The following AHCYL2 variants were observed in gnomAD, a reference collection of about 807,000 sequenced individuals.
The protein encoded by AHCYL2 is S-adenosylhomocysteine hydrolase-like protein 2.
Under a neutral mutation model 81.4 loss-of-function variants are expected in AHCYL2, and 28 were observed. The observed-to-expected ratio is 0.34, with a 90% CI of 0.25 to 0.47. The LOEUF (loss-of-function observed/expected upper bound fraction) is 0.47, where lower values mean the gene tolerates loss of function less well. AHCYL2 is among the 20% of genes least tolerant of loss of function. The probability of loss-of-function intolerance (pLI) is 1.00; values close to 1 mark genes in which losing one functional copy is unlikely to be tolerated. For synonymous variants in AHCYL2, 272 were observed against 290.2 expected (o/e 0.94, Z 0.64); for missense variants, 551 against 785.1 (o/e 0.70, Z 3.56).
At chr7:129,390,096 A>G (rs1795394987) in intron 4 of AHCYL2, among the ~76,000 whole-genome samples, 1 of 152,174 alleles carries the variant, frequency 6.6e-6, no homozygotes, top group Admixed American at 6.5e-5. Flanking sequence ...TTTCCTATAC[A>G]TATATACCTA....
At chr7:129,332,598 C>T (rs1215405984) in intron 1 of AHCYL2, among the ~76,000 whole-genome samples, 5 of 152,348 alleles carry the variant, frequency 3.3e-5, no homozygotes, top group African/African-American at 4.8e-5. Flanking sequence ...TCCCCAGACT[C>T]GTCTCTTTGA....
chr7:129,322,386 C>T (rs1041685673), intron 1 of AHCYL2, among the ~76,000 whole-genome samples: 3 of 152,054 alleles, frequency 2.0e-5, no homozygotes, highest in East Asian at 1.9e-4. Flanking sequence ...GTGATCTGCC[C>T]GCCTTGGTCT....
chr7:129,281,786 C>T (rs1046038665), intron 1 of AHCYL2, among the ~76,000 whole-genome samples: 2 of 152,172 alleles, frequency 1.3e-5, no homozygotes, highest in African/African-American at 2.4e-5. Flanking sequence ...GCGTGAGCCA[C>T]TGCACCTGGC....
At chr7:129,386,593 G>T (rs1237610727) in intron 2 of AHCYL2, among the ~76,000 whole-genome samples, 1 of 152,192 alleles carries the variant, frequency 6.6e-6, no homozygotes, top group Non-Finnish European at 1.5e-5. Flanking sequence ...TTAGAATAGA[G>T]AAGTGGTGTA....
At chr7:129,342,169 A>G (rs1470612280) in intron 1 of AHCYL2, among the ~76,000 whole-genome samples, 1 of 152,198 alleles carries the variant, frequency 6.6e-6, no homozygotes, top group East Asian at 1.9e-4. Flanking sequence ...TTGGGAAGGG[A>G]CACCAGTGTT....
chr7:129,291,100 T>A (rs1796834195), intron 1 of AHCYL2, among the ~76,000 whole-genome samples: 1 of 152,162 alleles, frequency 6.6e-6, no homozygotes, highest in African/African-American at 2.4e-5. Context: ...GTAAGATAAG[T>A]AACATTTAAA....
intron 8 of AHCYL2, 168 bp downstream of exon 8, chr7:129,405,381 C>T (rs563796201): frequency 7.5e-4 from 330 of 441,802 alleles, no homozygotes; most frequent in Middle Eastern, 1.2e-3. Flanking sequence ...TTTATTTTCT[C>T]CTTTGTATCT....
At chr7:129,276,480 G>A (rs1017008926) in intron 1 of AHCYL2, among the ~76,000 whole-genome samples, 1 of 151,358 alleles carries the variant, frequency 6.6e-6, no homozygotes, top group Admixed American at 6.6e-5. Flanking sequence ...GCTGGGCACA[G>A]TGGCTCATGC....
chr7:129,398,355 AT>A lies in AHCYL2; in HGVS notation c.823+1037del, dbSNP rs199977020. ...TTTTTTTAAATTTAATTTAATTTTTATTTTTTATTTTTATTTTTATTTTTAT... is the reference window on the plus strand; with the variant it reads ...TTTTTTTAAATTTAATTTAATTTTTATTTTTATTTTTATTTTTATTTTTAT... On this transcript the variant is annotated intron_variant, in intron 5 of 16. Coordinates refer to ENST00000325006, the MANE Select transcript of AHCYL2 (RefSeq NM_015328.4). Among the ~76,000 whole-genome samples, 15 of 146,012 alleles carry A rather than the reference AT, an allele frequency of 1.0e-4. 1 individual carries two copies. The South Asian group carries it at 3.2e-3, about 32-fold the overall frequency.
intron 1 of AHCYL2, among the ~76,000 whole-genome samples, chr7:129,344,812 A>G (rs1793303768): frequency 6.6e-6 from 1 of 152,146 alleles, no homozygotes; most frequent in South Asian, 2.1e-4. Context: ...GGGAGGAAAA[A>G]AAAGAGTTCT....
intron 1 of AHCYL2, among the ~76,000 whole-genome samples, chr7:129,288,333 G>A (rs988408721): frequency 4.0e-5 from 6 of 151,514 alleles, no homozygotes; most frequent in South Asian, 2.1e-4. Flanking sequence ...TGCAACTCCT[G>A]TAAATTTGTA....
intron 1 of AHCYL2, among the ~76,000 whole-genome samples, chr7:129,370,376 TTG>T (rs1365397248): frequency 6.9e-6 from 1 of 144,322 alleles, no homozygotes; most frequent in Non-Finnish European, 1.5e-5. Context: ...CTCTTTAGTG[TTG>T]TGTCTTGGTT....
chr7:129,241,441 A>G (rs939168891), intron 1 of AHCYL2, among the ~76,000 whole-genome samples: 2 of 151,922 alleles, frequency 1.3e-5, no homozygotes, highest in African/African-American at 4.8e-5. Flanking sequence ...AAATATAAAA[A>G]TTAGCCAGGT....
chr7:129,339,674 G>T (rs1793092705), intron 1 of AHCYL2, among the ~76,000 whole-genome samples: 1 of 150,604 alleles, frequency 6.6e-6, no homozygotes, highest in South Asian at 2.1e-4. Context: ...TAGGATTACA[G>T]GTGCATTCTG....
intron 1 of AHCYL2, among the ~76,000 whole-genome samples, chr7:129,253,755 G>A (rs1057482588): frequency 6.6e-6 from 1 of 152,120 alleles, no homozygotes; most frequent in Non-Finnish European, 1.5e-5. Context: ...GGGATTACAG[G>A]CATAAGCTGC....
At chr7:129,300,516 G>A (rs765404261) in intron 1 of AHCYL2, among the ~76,000 whole-genome samples, 1 of 152,088 alleles carries the variant, frequency 6.6e-6, no homozygotes, top group Non-Finnish European at 1.5e-5. Context: ...TTGCTTATAT[G>A]TACCACATTT....
intron 1 of AHCYL2, among the ~76,000 whole-genome samples, chr7:129,334,873 C>A (rs549620511): frequency 2.6e-5 from 4 of 152,258 alleles, no homozygotes; most frequent in South Asian, 4.1e-4. Flanking sequence ...GAAGAAGATA[C>A]AAAGAAATTC....
intron 1 of AHCYL2, among the ~76,000 whole-genome samples, chr7:129,233,399 A>G (rs890389675): frequency 6.6e-6 from 1 of 151,982 alleles, no homozygotes; most frequent in African/African-American, 2.4e-5. Flanking sequence ...CAGGTCTCCA[A>G]TTCTCGGGCT....
chr7:129,323,873 CTT>C (rs369389755), intron 1 of AHCYL2, among the ~76,000 whole-genome samples: 16 of 131,040 alleles, frequency 1.2e-4, no homozygotes, highest in Non-Finnish European at 1.5e-4. Flanking sequence ...GCCCTTTTAG[CTT>C]TTTTTTTTTT....
Sources: gnomAD v4.1 joint callset for allele counts (sites outside exome capture counted in the v4.1 genomes callset) on GRCh38, gnomAD v4.1.1 for gene constraint, MANE v1.5 for transcripts, NCBI Gene and HGNC (gene_info 2026-07-23, HGNC 2026-07-21) for gene names.